ALK: variants seen among roughly 807,000 people sequenced by gnomAD.
ALK encodes ALK receptor tyrosine kinase.
ALK carries 74 observed loss-of-function variants against 163.1 expected under a neutral mutation model. The ratio of observed to expected loss-of-function variants is 0.45; its 90% CI spans 0.38 to 0.55. The LOEUF (loss-of-function observed/expected upper bound fraction) is 0.55, where lower values mean the gene tolerates loss of function less well. ALK is among the 20% of genes least tolerant of loss of function. The probability of loss-of-function intolerance (pLI) is 0.00; values close to 1 mark genes in which losing one functional copy is unlikely to be tolerated. For synonymous variants in ALK, 960 were observed against 843.2 expected, an observed-to-expected ratio of 1.14 and a Z score of -2.40; for missense variants, 2,063 against 2,105.3, an observed-to-expected ratio of 0.98 and a Z score of 0.39.
At chr2:29,601,917 G>T (rs1040895260) in intron 3 of ALK, among the ~76,000 whole-genome samples, 1 of 152,160 alleles carries the variant, frequency 6.6e-6, no homozygotes, top group Admixed American at 6.5e-5. Flanking sequence ...GACAGAGATA[G>T]AGAGCCCCAG....
At chr2:29,208,239 T>C (rs1669367430) in intron 25 of ALK, among the ~76,000 whole-genome samples, 1 of 152,166 alleles carries the variant, frequency 6.6e-6, no homozygotes, top group South Asian at 2.1e-4. Flanking sequence ...AGAAGGGCAC[T>C]GATGGAGCTG....
At position 29,249,659 on chromosome 2, in the gene ALK, A is replaced by G. The variant is rs117528588; in HGVS notation, c.2204+1446T>C. ...CCCTTGGAAACATGGGAACACCAAT[A>G]ATAATGCTACCCACCCTATGCTCAT... On this transcript the variant is annotated intron_variant, in intron 12 of 28. Coordinates refer to ENST00000389048, the MANE Select transcript of ALK (RefSeq NM_004304.5). Among the ~76,000 whole-genome samples the G allele has an allele frequency of 1.5e-3, 225 of 152,258 alleles. 5 individuals are homozygous for G. The highest frequency in any genetic ancestry group is 0.011 in the Admixed American group (172 of 15,298).
At chr2:29,728,226 A>G (rs1030160757) in intron 1 of ALK, among the ~76,000 whole-genome samples, 2 of 152,212 alleles carry the variant, frequency 1.3e-5, no homozygotes, top group Non-Finnish European at 2.9e-5. Flanking sequence ...CACAAATCCC[A>G]CAATTTTCTG....
chr2:29,872,596 G>A (rs1326592335), intron 1 of ALK, among the ~76,000 whole-genome samples: 2 of 152,010 alleles, frequency 1.3e-5, no homozygotes, highest in African/African-American at 2.4e-5. Context: ...GCCTTTGTTC[G>A]CTGCTGCTGC....
At chr2:29,625,966 T>C (rs892054414) in intron 3 of ALK, among the ~76,000 whole-genome samples, 1 of 152,196 alleles carries the variant, frequency 6.6e-6, no homozygotes, top group Non-Finnish European at 1.5e-5. Flanking sequence ...TAAAGCTGAA[T>C]CTTAAAACAT....
At chr2:29,259,097 G>A (rs1298087985) in intron 11 of ALK, among the ~76,000 whole-genome samples, 2 of 151,998 alleles carry the variant, frequency 1.3e-5, no homozygotes, top group Non-Finnish European at 2.9e-5. Flanking sequence ...TATCATATCT[G>A]CATTTCTTTT....
chr2:29,835,310 G>A (rs1665529862), intron 1 of ALK, among the ~76,000 whole-genome samples: 1 of 152,118 alleles, frequency 6.6e-6, no homozygotes, highest in African/African-American at 2.4e-5. Context: ...AATAACATAA[G>A]GGGGGAAAGG....
intron 4 of ALK, among the ~76,000 whole-genome samples, chr2:29,479,035 G>C (rs1200105167): frequency 1.3e-5 from 2 of 152,168 alleles, no homozygotes; most frequent in Non-Finnish European, 2.9e-5. Context: ...CTCATAAAAG[G>C]GTCCTAGACT....
Position 29,275,215 on chromosome 2 carries a change from TC to T in ALK, c.1924del (p.Asp642ThrfsTer23). On this transcript the variant is annotated frameshift_variant, in exon 11 of 29. Transcript: ENST00000389048. LOFTEE classifies it high-confidence loss of function. ...GGGTGCTGTATTCTGCAGGATCTTG[TC>T]CTCTCCGCTAACTGCAATAGAGAAG... is the stretch of plus-strand genomic sequence containing the variant. ...LDCYLTISGE[D>X]KILQNTAPKS... 1 of 1,614,148 alleles carries T rather than the reference TC, an allele frequency of 6.2e-7. No homozygotes were observed. The highest frequency in any genetic ancestry group is 1.7e-5 in the Admixed American group (1 of 60,026).
chr2:29,637,748 G>T (rs988993206), intron 3 of ALK, among the ~76,000 whole-genome samples: 9 of 148,056 alleles, frequency 6.1e-5, no homozygotes, highest in Non-Finnish European at 1.3e-4. Flanking sequence ...TGCTGGGAAT[G>T]TTCTGTACCT....
chr2:29,374,131 C>T (rs1317190804), intron 5 of ALK, among the ~76,000 whole-genome samples: 1 of 152,184 alleles, frequency 6.6e-6, no homozygotes, highest in Non-Finnish European at 1.5e-5. Flanking sequence ...TTATTCAGCT[C>T]TGGTTCCAGA....
chr2:29,705,191 C>T (rs1321776958), intron 2 of ALK, among the ~76,000 whole-genome samples: 5 of 140,280 alleles, frequency 3.6e-5, no homozygotes, highest in Non-Finnish European at 7.7e-5. Flanking sequence ...ACACTCCAGC[C>T]TGGGTGACAG....
chr2:29,888,247 T>TTTTTTG (rs1667035243), intron 1 of ALK, among the ~76,000 whole-genome samples: 7 of 28,064 alleles, frequency 2.5e-4, no homozygotes, highest in African/African-American at 3.8e-4. Flanking sequence ...CAATAAATTG[T>TTTTTTG]TTTTTTTTTT....
chr2:29,845,578 G>C (rs1018488259), intron 1 of ALK, among the ~76,000 whole-genome samples: 1 of 152,138 alleles, frequency 6.6e-6, no homozygotes, highest in Non-Finnish European at 1.5e-5. Flanking sequence ...GGGAGTACGG[G>C]CATGTGCCAT....
chr2:29,343,875 G>A (rs1667872387), intron 5 of ALK, among the ~76,000 whole-genome samples: 1 of 152,180 alleles, frequency 6.6e-6, no homozygotes, highest in African/African-American at 2.4e-5. Flanking sequence ...ACTTTTACAA[G>A]TCTTTCTCAA....
chr2:29,883,276 C>T (rs4280420), intron 1 of ALK, among the ~76,000 whole-genome samples: 35,704 of 152,204 alleles, frequency 0.23, 4,715 homozygotes, highest in East Asian at 0.51. Flanking sequence ...ACTCCAGCTA[C>T]TGAGGTCTGC....
At chr2:29,259,498 C>T (rs931069014) in intron 11 of ALK, among the ~76,000 whole-genome samples, 7 of 152,070 alleles carry the variant, frequency 4.6e-5, no homozygotes, top group African/African-American at 1.7e-4. Context: ...AGAGGGGTCA[C>T]TGGAGAAATA....
At chr2:29,734,515 G>T (rs1297006766) in intron 1 of ALK, among the ~76,000 whole-genome samples, 2 of 152,058 alleles carry the variant, frequency 1.3e-5, no homozygotes, top group Admixed American at 1.3e-4. Flanking sequence ...ATAAGACATG[G>T]TCAGTCTAGG....
At chr2:29,360,491 C>G (rs1668361763) in intron 5 of ALK, among the ~76,000 whole-genome samples, 1 of 152,126 alleles carries the variant, frequency 6.6e-6, no homozygotes, top group Non-Finnish European at 1.5e-5. Context: ...CTCGTCCTGC[C>G]CACGATGGAT....
Sources: gnomAD v4.1 joint callset for allele counts (sites outside exome capture counted in the v4.1 genomes callset) on GRCh38, gnomAD v4.1.1 for gene constraint, MANE v1.5 for transcripts, NCBI Gene and HGNC (gene_info 2026-07-23, HGNC 2026-07-21) for gene names.